DMD: variants seen among roughly 807,000 people sequenced by gnomAD.
The protein encoded by DMD is mutant dystrophin.
Under a neutral mutation model 330.1 loss-of-function variants are expected in DMD, and 63 were observed. The observed-to-expected ratio is 0.19, with a 90% CI of 0.16 to 0.24. The LOEUF (loss-of-function observed/expected upper bound fraction) is 0.24, where lower values mean the gene tolerates loss of function less well. Among genes scored for constraint, DMD ranks in the 10% least tolerant of loss-of-function variants. DMD has a pLI of 1.00. For synonymous variants in DMD, 1,223 were observed against 959.8 expected (o/e 1.27, Z -5.07); for missense variants, 3,344 against 2,684.1 (o/e 1.25, Z -5.43).
rs566508820 is a variant in DMD, at chrX:32,828,451, TACAC to T, written c.265-5068_265-5065del. On this transcript the variant is annotated intron_variant, in intron 4 of 78. Transcript: ENST00000357033. Reference sequence around the variant, plus strand: ...TATATACTGGATCAGAGTGTGTGTATACACACACACACACACACACACTCTGCTC... The same window carrying T: ...TATATACTGGATCAGAGTGTGTGTATACACACACACACACACACTCTGCTC... Among the ~76,000 whole-genome samples, 697 of 105,023 alleles carry T rather than the reference TACAC, an allele frequency of 6.6e-3. 9 individuals carry two copies. The highest frequency in any genetic ancestry group is 0.021 in the African/African-American group (604 of 28,774). 91.2% of individuals were successfully genotyped at this position (105,023 alleles called of 115,157 possible).
At chrX:31,868,313 CTTAAG>C (rs759486255) in intron 48 of DMD, among the ~76,000 whole-genome samples, 16 of 111,932 alleles carry the variant, frequency 1.4e-4, no homozygotes, top group Admixed American at 9.5e-5. Flanking sequence ...TCCTTTTTCT[CTTAAG>C]TTATCTATAA....
intron 48 of DMD, among the ~76,000 whole-genome samples, chrX:31,871,197 C>T (rs2093884789): frequency 9.0e-6 from 1 of 111,165 alleles, no homozygotes; most frequent in South Asian, 3.8e-4. Context: ...GCCTAATTTT[C>T]ACCCTCTACA....
At chrX:31,914,125 C>T (rs1413578028) in intron 47 of DMD, among the ~76,000 whole-genome samples, 1 of 112,052 alleles carries the variant, frequency 8.9e-6, no homozygotes, top group African/African-American at 3.2e-5. Context: ...CATTTGAAAA[C>T]TCAGAATGGA....
intron 26 of DMD, among the ~76,000 whole-genome samples, chrX:32,451,970 T>A (rs746390187): frequency 9.1e-6 from 1 of 110,302 alleles, no homozygotes; most frequent in Non-Finnish European, 1.9e-5. Context: ...TGTAGACAAA[T>A]TTGTTGGAAC....
At chrX:33,285,924 G>T (rs960039341) in intron 1 of DMD, among the ~76,000 whole-genome samples, 1 of 111,860 alleles carries the variant, frequency 8.9e-6, no homozygotes, top group African/African-American at 3.2e-5. Context: ...ATTGTATTTT[G>T]TTTGGGTTTC....
At chrX:33,046,756 C>T (rs763443128) in intron 1 of DMD, among the ~76,000 whole-genome samples, 2 of 112,421 alleles carry the variant, frequency 1.8e-5, no homozygotes, top group East Asian at 5.6e-4. Context: ...CCGGAAGGGG[C>T]ATAGCAAATA....
chrX:31,189,254 T>G (rs1289745998), intron 67 of DMD, among the ~76,000 whole-genome samples: 4 of 111,665 alleles, frequency 3.6e-5, no homozygotes, highest in Admixed American at 2.9e-4. Context: ...GTGAAAACCA[T>G]GTGAACACTT....
intron 57 of DMD, among the ~76,000 whole-genome samples, chrX:31,487,283 G>C (rs1183427275): frequency 9.3e-6 from 1 of 107,759 alleles, no homozygotes; most frequent in Non-Finnish European, 1.9e-5. Flanking sequence ...TTTTGAGACG[G>C]AGTCTCGCTC....
At chrX:32,307,518 T>C (rs1252059521) in intron 42 of DMD, among the ~76,000 whole-genome samples, 5 of 111,691 alleles carry the variant, frequency 4.5e-5, no homozygotes, top group Non-Finnish European at 9.5e-5. Context: ...CAAGGCATGC[T>C]GAGTCAGGAA....
intron 7 of DMD, among the ~76,000 whole-genome samples, chrX:32,744,272 C>T (rs928003503): frequency 9.1e-6 from 1 of 109,404 alleles, no homozygotes; most frequent in African/African-American, 3.3e-5. Flanking sequence ...ATCTAATAAA[C>T]TATTTTAACC....
chrX:33,219,098 C>T (rs909626905), intron 1 of DMD, among the ~76,000 whole-genome samples: 2 of 111,470 alleles, frequency 1.8e-5, no homozygotes, highest in Admixed American at 9.6e-5. Context: ...TAAGTGACTA[C>T]TATCTTTTTG....
intron 17 of DMD, among the ~76,000 whole-genome samples, chrX:32,518,604 G>T (rs1257939850): frequency 9.0e-6 from 1 of 111,206 alleles, no homozygotes; most frequent in Admixed American, 9.6e-5. Flanking sequence ...TAAGAGTACT[G>T]CAAGTAAGGT....
intron 44 of DMD, among the ~76,000 whole-genome samples, chrX:32,018,335 T>G (rs1253950038): frequency 8.9e-6 from 1 of 111,806 alleles, no homozygotes; most frequent in Non-Finnish European, 1.9e-5. Context: ...AATCATATTC[T>G]AATTGTCCTC....
intron 47 of DMD, among the ~76,000 whole-genome samples, chrX:31,928,269 G>A (rs866542794): frequency 1.3e-4 from 15 of 111,423 alleles, no homozygotes; most frequent in Middle Eastern, 4.7e-3. Flanking sequence ...AGAGAAAGGG[G>A]AACTATTGCT....
intron 2 of DMD, among the ~76,000 whole-genome samples, chrX:32,883,369 G>C (rs1178922066): frequency 9.0e-6 from 1 of 111,293 alleles, no homozygotes; most frequent in African/African-American, 3.3e-5. Context: ...TTGGACACTG[G>C]TAATTGCTTC....
At chrX:32,873,825 C>A (rs1354209150) in intron 2 of DMD, among the ~76,000 whole-genome samples, 3 of 112,013 alleles carry the variant, frequency 2.7e-5, no homozygotes, top group Non-Finnish European at 3.8e-5. Flanking sequence ...TTATCTTAGC[C>A]TAAGCTAAGG....
At chrX:32,252,809 T>TATATAAATAC (rs2097277298) in intron 43 of DMD, among the ~76,000 whole-genome samples, 5 of 69,762 alleles carry the variant, frequency 7.2e-5, no homozygotes, top group African/African-American at 2.7e-4. Flanking sequence ...TATATAAATA[T>TATATAAATAC]ATATAAGTAT....
intron 67 of DMD, among the ~76,000 whole-genome samples, chrX:31,183,969 G>A (rs186492887): frequency 7.8e-4 from 85 of 108,985 alleles, no homozygotes; most frequent in Non-Finnish European, 1.4e-3. Flanking sequence ...GAGTGCAGTG[G>A]CGTGATCTCG....
intron 12 of DMD, among the ~76,000 whole-genome samples, chrX:32,605,528 G>A (rs1045840559): frequency 1.8e-5 from 2 of 109,986 alleles, no homozygotes; most frequent in Non-Finnish European, 3.8e-5. Flanking sequence ...AAAAACAAAA[G>A]TAGACAAATG....
Sources: allele counts gnomAD v4.1 joint callset (sites outside exome capture counted in the v4.1 genomes callset), GRCh38; gene constraint gnomAD v4.1.1; transcripts MANE v1.5; gene names NCBI Gene and HGNC (gene_info 2026-07-23, HGNC 2026-07-21).